RIOK2: variants seen among roughly 807,000 people sequenced by gnomAD.
The protein encoded by RIOK2 is RIO kinase 2.
RIOK2 carries 46 observed loss-of-function variants against 62.4 expected under a neutral mutation model. That is an observed-to-expected ratio of 0.74 (90% confidence interval 0.58 to 0.94). The LOEUF (loss-of-function observed/expected upper bound fraction) is 0.94, where lower values mean the gene tolerates loss of function less well. Ranked by LOEUF, RIOK2 falls within the 40% of genes least tolerant of loss-of-function variation. The pLI is 0.00. For synonymous variants in RIOK2, 197 were observed against 216.0 expected (o/e 0.91, Z 0.77); for missense variants, 574 against 658.0 (o/e 0.87, Z 1.40).
At position 97,162,076 on chromosome 5, in the gene RIOK2, T is replaced by C. The variant is rs1286503398; in HGVS notation, c.*985A>G. 6.6e-6 allele frequency: 1 copy of C among 152,172 alleles called. No individual in the cohort carries two copies. Among genetic ancestry groups the C allele is most frequent in the Non-Finnish European group, 1.5e-5 (1 of 68,034 alleles). 9.4% of individuals were successfully genotyped at this position (152,172 alleles called of 1,614,324 possible). ...ATCAATCTTGGAAAAGTCTGTACTA[T>C]ATTCCCTCTGGTAGAACATAATTAG... is the stretch of plus-strand genomic sequence containing the variant. On this transcript the variant is annotated 3_prime_UTR_variant, in exon 10 of 10. Transcript: ENST00000283109.
At position 97,162,918 on chromosome 5, in the gene RIOK2, A is replaced by T; in HGVS notation, c.*143T>A. 1.4e-6 allele frequency: 1 copy of T among 703,238 alleles called. No individual in the cohort carries two copies. The highest frequency in any genetic ancestry group is 2.3e-6 in the Non-Finnish European group (1 of 440,696). 43.6% of individuals were successfully genotyped at this position (703,238 alleles called of 1,614,324 possible). On this transcript the variant is annotated 3_prime_UTR_variant, in exon 10 of 10. Coordinates refer to ENST00000283109, the MANE Select transcript of RIOK2 (RefSeq NM_018343.3). ...GGTAATTATTCTTTGCAAGACACATACTGAATGACCAAATTTATAGATGAA... is the reference window on the plus strand; with the variant it reads ...GGTAATTATTCTTTGCAAGACACATTCTGAATGACCAAATTTATAGATGAA...
intron 6 of RIOK2, among the ~76,000 whole-genome samples, chr5:97,169,928 C>A (rs1287813486): frequency 6.6e-6 from 1 of 152,174 alleles, no homozygotes; most frequent in Non-Finnish European, 1.5e-5. Context: ...CATGATTAGT[C>A]ATCATCCAAA....
At chr5:97,182,759 A>G (rs1475004322) in intron 1 of RIOK2, 2 of 252,190 alleles carry the variant, frequency 7.9e-6, no homozygotes, top group Non-Finnish European at 1.5e-5. Context: ...TTAGTAGGGA[A>G]GTCAATATTA....
intron 3 of RIOK2, 130 bp downstream of exon 3, chr5:97,177,602 C>A: frequency 1.5e-6 from 1 of 650,990 alleles, no homozygotes; most frequent in Non-Finnish European, 2.7e-6. Flanking sequence ...CTGATTTGTA[C>A]TGCTTCCAAT....
chr5:97,177,244 G>A lies in RIOK2; in HGVS notation c.370C>T (p.Leu124Phe), dbSNP rs772414189. The A allele has an allele frequency of 1.5e-5, 24 of 1,613,198 alleles. No individual in the cohort carries two copies. The highest frequency in any genetic ancestry group is 1.4e-5 in the Non-Finnish European group (16 of 1,179,786). The change falls in exon 4 of 10, where the codon CTT becomes TTT. Residue 124 changes from leucine to phenylalanine, a missense_variant. Coordinates refer to ENST00000283109, the MANE Select transcript of RIOK2 (RefSeq NM_018343.3). ...AACGAGGTTCTTCCTAGTCTGTGAA[G>A]CTTTAATGCAAATTGTTGTCCTTCT... is the stretch of plus-strand genomic sequence containing the variant. Reference protein sequence around the residue: ...NEEGQQFALKLHRLGRTSFRN... With the variant: ...NEEGQQFALKFHRLGRTSFRN...
At chr5:97,176,488 G>A (rs950754861) in intron 4 of RIOK2, among the ~76,000 whole-genome samples, 10 of 151,982 alleles carry the variant, frequency 6.6e-5, no homozygotes, top group Non-Finnish European at 1.5e-4. Flanking sequence ...ATTACAGGTG[G>A]CCACCACCAT....
chr5:97,163,281 C>G, intron 9 of RIOK2, 56 bp from the exon 10 acceptor site: 1 of 1,352,368 alleles, frequency 7.4e-7, no homozygotes. Flanking sequence ...AAAAAGTACA[C>G]TGCTAATATC....
chr5:97,173,394 G>A (rs1030114027), intron 4 of RIOK2, 131 bp from the exon 5 acceptor site: 12 of 660,682 alleles, frequency 1.8e-5, no homozygotes, highest in Non-Finnish European at 3.2e-5. Context: ...GTTAACACAT[G>A]GTTATTTATG....
intron 9 of RIOK2, 116 bp from the exon 10 acceptor site, chr5:97,163,341 C>T: frequency 1.2e-6 from 1 of 822,628 alleles, no homozygotes; most frequent in South Asian, 1.6e-5. Context: ...CAAACACTGA[C>T]AGTACTATAT....
chr5:97,162,055 A>C lies in RIOK2; in HGVS notation c.*1006T>G, dbSNP rs1200649561. The C allele has an allele frequency of 6.6e-6, 1 of 152,172 alleles. No individual in the cohort carries two copies. Among genetic ancestry groups the C allele is most frequent in the Non-Finnish European group, 1.5e-5 (1 of 68,030 alleles). The allele number at this position is 152,172 out of a possible 1,614,324, so 9.4% of individuals were successfully genotyped here. A position where few individuals can be genotyped will look rare whatever the true frequency, so the allele number is the denominator to read the frequency against. The stretch of plus-strand genomic sequence containing the variant: ...GAAAGGGAATCTGCTGTCTTTATCA[A>C]TCTTGGAAAAGTCTGTACTATATTC... On this transcript the variant is annotated 3_prime_UTR_variant, in exon 10 of 10. Transcript: ENST00000283109.
intron 9 of RIOK2, among the ~76,000 whole-genome samples, chr5:97,164,604 C>T (rs1158186144): frequency 6.6e-6 from 1 of 152,074 alleles, no homozygotes; most frequent in African/African-American, 2.4e-5. Context: ...GCTTACACAC[C>T]TTATAATCCT....
At chr5:97,165,962 C>T (rs1748833362) in intron 8 of RIOK2, among the ~76,000 whole-genome samples, 2 of 152,152 alleles carry the variant, frequency 1.3e-5, no homozygotes, top group Admixed American at 6.5e-5. Flanking sequence ...GTGGGTGGAC[C>T]TCATCCAATC....
chr5:97,180,142 G>GTATGTGTATATATATA (rs1350504483), intron 1 of RIOK2, among the ~76,000 whole-genome samples: 6 of 96,068 alleles, frequency 6.2e-5, no homozygotes, highest in Admixed American at 1.3e-4. Context: ...ATATATATAT[G>GTATGTGTATATATATA]TATATATATA....
At position 97,163,219 on chromosome 5, in the gene RIOK2, C is replaced by T. The variant is rs767338791; in HGVS notation, c.1501G>A (p.Val501Met). The change falls in exon 10 of 10, where the codon GTG (valine) becomes ATG (methionine). Residue 501 changes from valine to methionine, a missense_variant. Transcript: ENST00000283109. ...AACTGACGTTTCACCTTCTGTTTCA[C>T]CAGTTCCTGGAAAGATTTCATAAAT... ...VSCSTIPPEL[V>M]KQKVKRQLTK... 4 of 1,613,004 alleles carry T rather than the reference C, an allele frequency of 2.5e-6. No individual in the cohort carries two copies. In the South Asian group the frequency reaches 4.4e-5, roughly 18 times the overall value.
At chr5:97,178,736 G>GTGCTCTTCTGCAGTACTCTACA (rs1749250740) in intron 2 of RIOK2, 4 of 326,814 alleles carry the variant, frequency 1.2e-5, no homozygotes, top group African/African-American at 7.7e-5. Context: ...CAGTACCTAC[G>GTGCTCTTCTGCAGTACTCTACA]TGCTCTTCTG....
At chr5:97,166,876 A>G (rs1388500842) in intron 8 of RIOK2, 5 of 982,240 alleles carry the variant, frequency 5.1e-6, no homozygotes, top group Non-Finnish European at 6.0e-6. Flanking sequence ...TGATCAATGT[A>G]TCCAGAGACC....
Position 97,183,235 on chromosome 5 carries a change from C to T in RIOK2, c.-44G>A. On this transcript the variant is annotated 5_prime_UTR_variant, in exon 1 of 10. Transcript: ENST00000283109. ...CCAGATGCCTCTCCGACGACAGCCG[C>T]AAAGCGTAAGGCAGGTCGTTATTCC... is the stretch of plus-strand genomic sequence containing the variant. The T allele has an allele frequency of 6.2e-7, 1 of 1,605,912 alleles. No individual in the cohort carries two copies. The highest frequency in any genetic ancestry group is 1.1e-5 in the South Asian group (1 of 90,918).
At position 97,173,217 on chromosome 5, in the gene RIOK2, T is replaced by C. The variant is rs146081713; in HGVS notation, c.545A>G (p.Asn182Ser). The C allele has an allele frequency of 2.1e-5, 34 of 1,613,276 alleles. No individual in the cohort carries two copies. Among genetic ancestry groups the C allele is most frequent in the South Asian group, 8.8e-5 (8 of 91,000 alleles). ...KFPVPKPIDYNRHAVVMELIN... is the reference protein window; with the variant it reads ...KFPVPKPIDYSRHAVVMELIN... ...GAGTTCCATGACCACTGCATGACGA[T>C]TGTAATCAATTGGCTTTGGAACTGG... The change falls in exon 5 of 10, where the codon AAT becomes AGT. Residue 182 changes from asparagine to serine, a missense_variant. Physicochemically the swap from Asn to Ser is conservative, Grantham distance 46. Coordinates refer to ENST00000283109, the MANE Select transcript of RIOK2 (RefSeq NM_018343.3).
At chr5:97,182,781 G>T (rs953352805) in intron 1 of RIOK2, 3 of 148,222 alleles carry the variant, frequency 2.0e-5, no homozygotes, top group South Asian at 8.5e-5. Context: ...CAAATCTCGG[G>T]GGGGGGGGGG....
Sources: gnomAD v4.1 joint callset for allele counts (sites outside exome capture counted in the v4.1 genomes callset) on GRCh38, gnomAD v4.1.1 for gene constraint, MANE v1.5 for transcripts, NCBI Gene and HGNC (gene_info 2026-07-23, HGNC 2026-07-21) for gene names.